EHD1: variants seen among roughly 807,000 people sequenced by gnomAD.
The protein encoded by EHD1 is EH domain containing 1.
In EHD1, 19 loss-of-function variants were observed where a neutral mutation model predicts 39.0. That is an observed-to-expected ratio of 0.49 (90% CI 0.34 to 0.72). The LOEUF (loss-of-function observed/expected upper bound fraction) is 0.72, where lower values mean the gene tolerates loss of function less well. Ranked by LOEUF, EHD1 falls within the 30% of genes least tolerant of loss-of-function variation. EHD1 has a pLI of 0.01. For missense variants in EHD1, 542 were observed against 751.5 expected (o/e 0.72, Z 3.26); for synonymous variants, 323 against 331.2 (o/e 0.98, Z 0.27).
At chr11:64,854,973 G>A in intron 4 of EHD1, 116 bp from the exon 5 acceptor site, 3 of 1,328,320 alleles carry the variant, frequency 2.3e-6, no homozygotes, top group Non-Finnish European at 3.1e-6. Context: ...CACACTAGCA[G>A]GGGCGACTCG....
intron 1 of EHD1, among the ~76,000 whole-genome samples, chr11:64,876,643 C>G (rs909020443): frequency 1.3e-5 from 2 of 152,242 alleles, no homozygotes; most frequent in Non-Finnish European, 2.9e-5. Flanking sequence ...CCCTCTGAAC[C>G]TCGGTTTCCT....
In EHD1 at chr11:64,853,371, C is replaced by G. The variant is rs2136470181; in HGVS notation, c.*962G>C. The stretch of plus-strand genomic sequence containing the variant: ...CCGCCACCGCCACCCACCACCACCT[C>G]CCACTGTGGAGGGTGCGTCCCAAAG... On this transcript the variant is annotated 3_prime_UTR_variant, in exon 5 of 5. Coordinates refer to ENST00000320631, the MANE Select transcript of EHD1 (RefSeq NM_006795.4). The G allele has an allele frequency of 6.6e-6, 1 of 152,466 alleles. No individual in the cohort carries two copies. Among genetic ancestry groups the G allele is most frequent in the East Asian group, 1.9e-4 (1 of 5,180 alleles). 9.4% of individuals were successfully genotyped at this position (152,466 alleles called of 1,614,324 possible).
chr11:64,871,261 A>G (rs1943827414), intron 2 of EHD1, among the ~76,000 whole-genome samples: 1 of 152,080 alleles, frequency 6.6e-6, no homozygotes. Context: ...TCTTTCCGAG[A>G]GGGAAACACC....
In EHD1 at chr11:64,864,569, CAG is replaced by C. The variant is rs201713015; in HGVS notation, c.503-4235_503-4234del. Among the ~76,000 whole-genome samples, 1,337 of 152,350 alleles carry C rather than the reference CAG, an allele frequency of 8.8e-3. 23 individuals are homozygous for C. Among genetic ancestry groups the C allele is most frequent in the African/African-American group, 0.031 (1,292 of 41,586 alleles). On this transcript the variant is annotated intron_variant, in intron 2 of 4. Transcript: ENST00000320631. ...GCCTGCAGCGCCTGCCTGGGGCCCG[CAG>C]CCCACAGCCTTTTATGGCCAGCTCT...
At chr11:64,861,643 C>T (rs1943717889) in intron 2 of EHD1, among the ~76,000 whole-genome samples, 2 of 152,076 alleles carry the variant, frequency 1.3e-5, no homozygotes, top group Admixed American at 6.5e-5. Flanking sequence ...TATTGAAACA[C>T]AGCCATGCTC....
intron 2 of EHD1, among the ~76,000 whole-genome samples, chr11:64,864,982 G>A (rs957639043): frequency 2.0e-5 from 3 of 152,244 alleles, no homozygotes; most frequent in East Asian, 3.8e-4. Flanking sequence ...CCCTGCCCCA[G>A]GTCCAGAAGC....
At chr11:64,867,960 C>T (rs1022316469) in intron 2 of EHD1, among the ~76,000 whole-genome samples, 2 of 152,164 alleles carry the variant, frequency 1.3e-5, no homozygotes, top group Non-Finnish European at 1.5e-5. Flanking sequence ...GGCTCTGGGG[C>T]GCCCCTCTCC....
At position 64,854,809 on chromosome 11, in the gene EHD1, T is replaced by C; in HGVS notation, c.1129A>G (p.Lys377Glu). 1 of 1,602,384 alleles carries C rather than the reference T, an allele frequency of 6.2e-7. No individual in the cohort carries two copies. Among genetic ancestry groups the C allele is most frequent in the Non-Finnish European group, 8.5e-7 (1 of 1,179,932 alleles). The change falls in exon 5 of 5, where the codon AAG (lysine) becomes GAG (glutamate). Residue 377 changes from lysine to glutamate, a missense_variant. Coordinates refer to ENST00000320631, the MANE Select transcript of EHD1 (RefSeq NM_006795.4). ...DFSKFQALKP[K>E]LLDTVDDMLA... is the part of the protein sequence containing the mutation. ...ATGTCATCCACCGTGTCCAGCAGCT[T>C]GGGCTTCAGCGCCTGGAACTTGCTG...
intron 2 of EHD1, among the ~76,000 whole-genome samples, chr11:64,863,289 T>C (rs1943734033): frequency 6.6e-6 from 1 of 152,104 alleles, no homozygotes; most frequent in Non-Finnish European, 1.5e-5. Flanking sequence ...CTTGCCAAGC[T>C]GGGGATGGAG....
intron 2 of EHD1, among the ~76,000 whole-genome samples, chr11:64,871,841 G>A (rs1166604392): frequency 6.6e-6 from 1 of 152,204 alleles, no homozygotes; most frequent in Non-Finnish European, 1.5e-5. Context: ...TGTCCTGCTG[G>A]CTTGTTCCTC....
At chr11:64,862,193 C>T (rs1367027002) in intron 2 of EHD1, among the ~76,000 whole-genome samples, 1 of 152,222 alleles carries the variant, frequency 6.6e-6, no homozygotes, top group African/African-American at 2.4e-5. Flanking sequence ...AGGCCTGAGC[C>T]ACCGCGCCTG....
Position 64,859,999 on chromosome 11 carries a change from C to A in EHD1, c.840G>T (p.Lys280Asn). 1 of 1,614,006 alleles carries A rather than the reference C, an allele frequency of 6.2e-7. No homozygotes were observed. Among genetic ancestry groups the A allele is most frequent in the Non-Finnish European group, 8.5e-7 (1 of 1,180,032 alleles). The change falls in exon 3 of 5, where the codon AAG (lysine) becomes AAT (asparagine). Residue 280 changes from lysine to asparagine, a missense_variant. Coordinates refer to ENST00000320631, the MANE Select transcript of EHD1 (RefSeq NM_006795.4). The part of the protein sequence containing the change: ...LFEAEEQDLF[K>N]DIQSLPRNAA... ...CGTTTCGGGGCAGTGACTGGATGTC[C>A]TTGAAGAGGTCCTGCTCCTCGGCCT...
chr11:64,854,323 C>T lies in EHD1; in HGVS notation c.*10G>A. 4 of 1,592,856 alleles carry T rather than the reference C, an allele frequency of 2.5e-6. No homozygotes were observed. The highest frequency in any genetic ancestry group is 2.6e-6 in the Non-Finnish European group (3 of 1,171,428). ...GGGCGTGCAAATGGCAGGTGCGGGG[C>T]CGGGCGCCATCACTCATGTCTGCGC... On this transcript the variant is annotated 3_prime_UTR_variant, in exon 5 of 5. Transcript: ENST00000320631.
chr11:64,868,900 C>T lies in EHD1; in HGVS notation c.502+5521G>A, dbSNP rs1943797421. 6.6e-6 allele frequency among the ~76,000 whole-genome samples: 1 copy of T among 152,218 alleles called. No individual in the cohort carries two copies. ...TTCTACTCAACAACGAGCTGTGTGA[C>T]CCAGCAGGTCTCTGACCTCTCAGAG... On this transcript the variant is annotated intron_variant, in intron 2 of 4. Coordinates refer to ENST00000320631, the MANE Select transcript of EHD1 (RefSeq NM_006795.4). This position sits in a 1 kb window ranked among gnomAD's most constrained non-coding sequence, Gnocchi z 4.2.
chr11:64,874,312 A>AAG, intron 2 of EHD1, 109 bp downstream of exon 2: 3 of 1,056,666 alleles, frequency 2.8e-6, no homozygotes, highest in Non-Finnish European at 4.0e-6. Context: ...AAAAAAAAAA[A>AAG]AAAAAAAAAG....
At chr11:64,871,148 T>A (rs754077388) in intron 2 of EHD1, among the ~76,000 whole-genome samples, 1 of 152,102 alleles carries the variant, frequency 6.6e-6, no homozygotes, top group Admixed American at 6.5e-5. Context: ...GCAACCCCAA[T>A]GTCCATCCAC....
intron 2 of EHD1, among the ~76,000 whole-genome samples, chr11:64,862,031 C>G (rs1315434868): frequency 6.6e-6 from 1 of 152,190 alleles, no homozygotes; most frequent in Non-Finnish European, 1.5e-5. Context: ...ACCTTAGACT[C>G]CTGAGTAGCT....
chr11:64,864,602 C>T (rs542867946), intron 2 of EHD1, among the ~76,000 whole-genome samples: 15 of 152,204 alleles, frequency 9.9e-5, no homozygotes, highest in African/African-American at 3.1e-4. Flanking sequence ...GCTCTGGGAA[C>T]GCAGGTCAGT....
chr11:64,878,702 G>C, upstream of EHD1: 1 of 1,352,316 alleles, frequency 7.4e-7, no homozygotes. Context: ...GGGCAGGGCG[G>C]AATTGGGGGC....
Sources: gnomAD v4.1 joint callset for allele counts (sites outside exome capture counted in the v4.1 genomes callset) on GRCh38, gnomAD v4.1.1 for gene constraint, Gnocchi (gnomAD v3.1) non-coding constraint, MANE v1.5 for transcripts, NCBI Gene and HGNC (gene_info 2026-07-23, HGNC 2026-07-21) for gene names.